The following R3HDM1 variants were observed in gnomAD, a reference collection of about 807,000 sequenced individuals.
The protein encoded by R3HDM1 is R3H domain containing 1, also known as R3H domain-containing protein 1.
In R3HDM1, 46 loss-of-function variants were observed where a neutral mutation model predicts 141.1. That is an observed-to-expected ratio of 0.33 (90% confidence interval 0.26 to 0.42). The LOEUF is 0.42. Ranked by LOEUF, R3HDM1 falls within the 10% of genes least tolerant of loss-of-function variation. The probability of loss-of-function intolerance (pLI) is 1.00; values close to 1 mark genes in which losing one functional copy is unlikely to be tolerated. For missense variants in R3HDM1, 1,184 were observed against 1,368.3 expected (o/e 0.87, Z 2.12); for synonymous variants, 435 against 472.9 (o/e 0.92, Z 1.04).
intron 19 of R3HDM1, among the ~76,000 whole-genome samples, chr2:135,668,592 A>T (rs1156828644): frequency 6.6e-6 from 1 of 152,216 alleles, no homozygotes; most frequent in East Asian, 1.9e-4. Context: ...TACCCAGTGT[A>T]GTTTAAACCT....
At position 135,619,962 on chromosome 2, in the gene R3HDM1, A is replaced by T. The variant is rs542008010; in HGVS notation, c.304-1532A>T. ...TATTTATAGTCTGAAGATTTTGTGT[A>T]TAAGAACTTCAGTGTTTAAAATATA... On this transcript the variant is annotated intron_variant, in intron 5 of 26. Transcript: ENST00000683871. Among the ~76,000 whole-genome samples the T allele has an allele frequency of 2.2e-4, 33 of 152,308 alleles. No homozygotes were observed. In the South Asian group the frequency reaches 5.8e-3, roughly 27 times the overall value.
intron 18 of R3HDM1, among the ~76,000 whole-genome samples, chr2:135,654,067 T>C (rs2065472594): frequency 6.6e-6 from 1 of 152,124 alleles, no homozygotes; most frequent in Admixed American, 6.5e-5. Flanking sequence ...TTCTGTTTGG[T>C]TCCAAAACAT....
At chr2:135,683,024 G>A (rs551501000) in intron 21 of R3HDM1, among the ~76,000 whole-genome samples, 1 of 152,014 alleles carries the variant, frequency 6.6e-6, no homozygotes, top group Non-Finnish European at 1.5e-5. Context: ...AAAGTCTTTG[G>A]AATTACCCGC....
At chr2:135,592,339 T>TTA (rs1404169245) in intron 1 of R3HDM1, among the ~76,000 whole-genome samples, 1 of 152,216 alleles carries the variant, frequency 6.6e-6, no homozygotes, top group East Asian at 1.9e-4. Context: ...TATTTTCCAA[T>TTA]TATTGATAAT....
At chr2:135,645,090 A>ATAAG (rs2064246332) in intron 15 of R3HDM1, 1 of 188,130 alleles carries the variant, frequency 5.3e-6, no homozygotes, top group Non-Finnish European at 1.1e-5. Flanking sequence ...TAAGAAAATA[A>ATAAG]TAATTAATTA....
At chr2:135,580,398 A>G (rs1029048865) in intron 1 of R3HDM1, among the ~76,000 whole-genome samples, 2 of 152,224 alleles carry the variant, frequency 1.3e-5, no homozygotes, top group Admixed American at 1.3e-4. Context: ...ACTAAGACTG[A>G]ATAGAGTCAC....
intron 1 of R3HDM1, among the ~76,000 whole-genome samples, chr2:135,572,488 A>G (rs1356415195): frequency 6.6e-6 from 1 of 152,206 alleles, no homozygotes; most frequent in Non-Finnish European, 1.5e-5. Context: ...AACCACAATG[A>G]GATACAACTT....
intron 3 of R3HDM1, chr2:135,607,277 G>A (rs956701080): frequency 1.3e-5 from 13 of 984,696 alleles, no homozygotes; most frequent in Middle Eastern, 5.2e-4. Flanking sequence ...GTGAGCCACC[G>A]CTGCTGGCCA....
Position 135,661,295 on chromosome 2 carries a change from G to A in R3HDM1, c.2054G>A (p.Gly685Asp). 1.9e-6 allele frequency: 3 copies of A among 1,613,970 alleles called. No homozygotes were observed. The highest frequency in any genetic ancestry group is 8.5e-7 in the Non-Finnish European group (1 of 1,179,970). The change falls in exon 19 of 27, where the codon GGC becomes GAC. Residue 685 changes from glycine to aspartate, a missense_variant. By Grantham distance (94) the Gly-to-Asp change is moderately conservative. Transcript: ENST00000683871. ...PQMPACYCAP[G>D]HYHSSQPQYR... ...ATGCCAGCCTGTTATTGCGCTCCAG[G>A]CCACTATCACTCCAGCCAACCTCAG...
At chr2:135,597,235 A>G (rs865795821) in intron 1 of R3HDM1, 2 of 979,060 alleles carry the variant, frequency 2.0e-6, no homozygotes, top group Non-Finnish European at 2.4e-6. Context: ...TAACCTCTTC[A>G]TGGTTTAACG....
chr2:135,619,021 C>CAA (rs34537777), intron 5 of R3HDM1, among the ~76,000 whole-genome samples: 29 of 112,248 alleles, frequency 2.6e-4, no homozygotes, highest in Non-Finnish European at 2.8e-4. Flanking sequence ...ACTCTTATCT[C>CAA]AAAAAAAAAA....
chr2:135,693,769 A>G (rs1205682902), intron 21 of R3HDM1, among the ~76,000 whole-genome samples: 1 of 152,202 alleles, frequency 6.6e-6, no homozygotes. Flanking sequence ...GCACTCTGGG[A>G]GGCTGAGGCA....
At chr2:135,588,032 T>C (rs1708333430) in intron 1 of R3HDM1, among the ~76,000 whole-genome samples, 2 of 151,380 alleles carry the variant, frequency 1.3e-5, no homozygotes, top group South Asian at 2.1e-4. Flanking sequence ...AAATCTATCT[T>C]AATCTCTCTC....
intron 1 of R3HDM1, among the ~76,000 whole-genome samples, chr2:135,569,194 C>T (rs1183668251): frequency 2.0e-5 from 3 of 151,792 alleles, no homozygotes; most frequent in East Asian, 1.9e-4. Context: ...TTTTTAATTT[C>T]GCAATTACTG....
chr2:135,690,344 A>G (rs1313549610), intron 21 of R3HDM1, among the ~76,000 whole-genome samples: 1 of 152,240 alleles, frequency 6.6e-6, no homozygotes, highest in East Asian at 1.9e-4. Flanking sequence ...ATTAAAAATG[A>G]AGTTACTAAC....
intron 1 of R3HDM1, among the ~76,000 whole-genome samples, chr2:135,563,712 C>A (rs1702217110): frequency 6.6e-6 from 1 of 152,190 alleles, no homozygotes; most frequent in African/African-American, 2.4e-5. Context: ...GCTAGCTATA[C>A]AACACCAGCC....
intron 19 of R3HDM1, among the ~76,000 whole-genome samples, chr2:135,671,849 G>A (rs535423374): frequency 9.9e-5 from 15 of 151,980 alleles, no homozygotes; most frequent in South Asian, 8.3e-4. Flanking sequence ...GGTGGCACAC[G>A]CCTGTAATTC....
intron 1 of R3HDM1, among the ~76,000 whole-genome samples, chr2:135,547,215 A>AT (rs1698874069): frequency 6.6e-6 from 1 of 152,132 alleles, no homozygotes; most frequent in African/African-American, 2.4e-5. Context: ...AATTAAATTA[A>AT]TTTTTTAGAA....
chr2:135,652,336 A>G (rs2065237412), intron 18 of R3HDM1, among the ~76,000 whole-genome samples: 1 of 152,216 alleles, frequency 6.6e-6, no homozygotes, highest in African/African-American at 2.4e-5. Flanking sequence ...CTGTAAAAGT[A>G]AAATGGTAAG....
Sources: allele counts gnomAD v4.1 joint callset (sites outside exome capture counted in the v4.1 genomes callset), GRCh38; gene constraint gnomAD v4.1.1; transcripts MANE v1.5; gene names NCBI Gene and HGNC (gene_info 2026-07-23, HGNC 2026-07-21).